Variants in FAM83F observed in about 807,000 individuals in gnomAD.
FAM83F encodes the protein protein FAM83F.
FAM83F carries 45 observed loss-of-function variants against 42.9 expected under a neutral mutation model. The ratio of observed to expected loss-of-function variants is 1.05; its 90% confidence interval spans 0.83 to 1.35. The LOEUF (loss-of-function observed/expected upper bound fraction) is 1.35. Ranked by LOEUF, FAM83F falls within the 40% of genes most tolerant of loss-of-function variation. The probability of loss-of-function intolerance (pLI) is 0.00; values close to 1 mark genes in which losing one functional copy is unlikely to be tolerated. For synonymous variants in FAM83F, 306 were observed against 298.3 expected, an observed-to-expected ratio of 1.03 and a Z score of -0.27; for missense variants, 617 against 695.9, an observed-to-expected ratio of 0.89 and a Z score of 1.28.
Position 40,017,903 on chromosome 22 carries a change from G to A in FAM83F, c.490-1265G>A, listed in dbSNP as rs542249394. Among the ~76,000 whole-genome samples the A allele has an allele frequency of 9.2e-5, 14 of 152,276 alleles. No individual in the cohort carries two copies. The South Asian group carries it at 2.9e-3, about 32-fold the overall frequency. ...CCTAAGGTCACAACTAGGAAGTGGG[G>A]GATCCACAGTTAAAACAAAATCTCT... On this transcript the variant is annotated intron_variant, in intron 1 of 4. Coordinates refer to ENST00000333407, the MANE Select transcript of FAM83F (RefSeq NM_138435.4).
At chr22:40,007,363 C>G in intron 1 of FAM83F, among the ~76,000 whole-genome samples, 1 of 82,604 alleles carries the variant, frequency 1.2e-5, no homozygotes, top group Admixed American at 1.2e-4. Context: ...CTCCTCTCCT[C>G]TCCTCTTCCT....
Position 40,021,451 on chromosome 22 carries a change from ACTC to A in FAM83F, c.946_948del (p.Ser316del), listed in dbSNP as rs756804541. On this transcript the variant is annotated inframe_deletion, in exon 4 of 5. Coordinates refer to ENST00000333407, the MANE Select transcript of FAM83F (RefSeq NM_138435.4). This position sits in a 1 kb window ranked among gnomAD's most constrained non-coding sequence, Gnocchi z 8.7. The stretch of plus-strand genomic sequence containing the variant: ...CTGGCGGGCAGGGTTGGCCTCCATT[ACTC>A]CTCCACTGTGGCTCGAAAGCTTATC... The A allele has an allele frequency of 6.2e-7, 1 of 1,611,110 alleles. No individual in the cohort carries two copies. The highest frequency in any genetic ancestry group is 1.7e-5 in the Admixed American group (1 of 59,824).
chr22:40,002,157 G>A (rs186703345), intron 1 of FAM83F, among the ~76,000 whole-genome samples: 9 of 152,322 alleles, frequency 5.9e-5, no homozygotes, highest in East Asian at 3.9e-4. Context: ...TTCCTAAAGC[G>A]GGGGTCCCCT....
chr22:40,003,947 C>T (rs1434249520), intron 1 of FAM83F, among the ~76,000 whole-genome samples: 2 of 151,914 alleles, frequency 1.3e-5, no homozygotes, highest in Non-Finnish European at 2.9e-5. Context: ...GATGGGGGTG[C>T]GGAGGTGGGA....
chr22:40,022,211 A>G (rs1017980307), intron 4 of FAM83F, among the ~76,000 whole-genome samples: 3 of 152,172 alleles, frequency 2.0e-5, no homozygotes, highest in African/African-American at 7.2e-5. Flanking sequence ...GAAAAAAGAG[A>G]AGGATTCCAG....
At position 39,995,425 on chromosome 22, in the gene FAM83F, T is replaced by C. The variant is rs749752916; in HGVS notation, c.383T>C (p.Phe128Ser). The C allele has an allele frequency of 3.9e-6, 6 of 1,552,280 alleles. No individual in the cohort carries two copies. In the South Asian group the frequency reaches 7.1e-5, roughly 18 times the overall value. The change falls in exon 1 of 5, where the codon TTC becomes TCC. Residue 128 changes from phenylalanine to serine, a missense_variant. Physicochemically the swap from Phe to Ser is radical, Grantham distance 155. Transcript: ENST00000333407. The surrounding 1 kb of genome is among the most constrained non-coding windows in gnomAD (Gnocchi z 4.6). ...PLDLGWTDTG[F>S]YRGVSRVTLF... ...GACCTGGGCTGGACGGACACTGGTT[T>C]CTACCGCGGCGTGAGCCGGGTCACG...
chr22:40,003,873 A>G (rs777359458), intron 1 of FAM83F, among the ~76,000 whole-genome samples: 1 of 152,122 alleles, frequency 6.6e-6, no homozygotes, highest in Non-Finnish European at 1.5e-5. Context: ...CTGGCAAGGC[A>G]TGTGGGAGGC....
chr22:40,011,126 A>G (rs537842571), intron 1 of FAM83F, among the ~76,000 whole-genome samples: 5 of 152,182 alleles, frequency 3.3e-5, no homozygotes, highest in Non-Finnish European at 7.3e-5. Flanking sequence ...TGTGTTCAGC[A>G]TATGTCCTCA....
chr22:40,029,032 C>T (rs555238535), intron 4 of FAM83F, among the ~76,000 whole-genome samples: 4 of 149,290 alleles, frequency 2.7e-5, no homozygotes, highest in South Asian at 2.1e-4. Context: ...ACTTTGCAGG[C>T]GGTGGAGCTG....
chr22:40,009,232 T>G (rs1351598551), intron 1 of FAM83F, among the ~76,000 whole-genome samples: 2 of 151,954 alleles, frequency 1.3e-5, no homozygotes, highest in African/African-American at 4.8e-5. Context: ...TTCCCTTCCT[T>G]CCCCAGGATA....
At chr22:40,020,955 A>T (rs2067516507) in intron 3 of FAM83F, among the ~76,000 whole-genome samples, 1 of 152,194 alleles carries the variant, frequency 6.6e-6, no homozygotes, top group African/African-American at 2.4e-5. Flanking sequence ...GTTTTATATG[A>T]GTTACTTCAT....
rs928658108 is a variant in FAM83F at position 40,034,099 on chromosome 22, ACT to A, written c.*4536_*4537del. On this transcript the variant is annotated 3_prime_UTR_variant, in exon 5 of 5. Coordinates refer to ENST00000333407, the MANE Select transcript of FAM83F (RefSeq NM_138435.4). ...GTGCTGACAGCAGAGAGCCTTCCAC[ACT>A]CAAGTCAGGCCAAGCAGGAATCGCT... The A allele has an allele frequency of 2.0e-5, 3 of 152,084 alleles. No homozygotes were observed. The highest frequency in any genetic ancestry group is 7.3e-5 in the African/African-American group (3 of 41,366). 9.4% of individuals were successfully genotyped at this position (152,084 alleles called of 1,614,324 possible).
intron 1 of FAM83F, among the ~76,000 whole-genome samples, chr22:39,996,415 G>A (rs1191399678): frequency 2.0e-5 from 3 of 152,154 alleles, no homozygotes; most frequent in Non-Finnish European, 4.4e-5. Flanking sequence ...TCCCAAACAT[G>A]ACATGAGACG....
chr22:39,996,670 T>C (rs1235312656), intron 1 of FAM83F, among the ~76,000 whole-genome samples: 2 of 152,054 alleles, frequency 1.3e-5, no homozygotes, highest in Non-Finnish European at 2.9e-5. Flanking sequence ...GGAGGGAAAA[T>C]AGAGCTAGAA....
intron 1 of FAM83F, chr22:39,999,114 T>A (rs572667277): frequency 6.6e-6 from 1 of 152,204 alleles, no homozygotes; most frequent in African/African-American, 2.4e-5. Flanking sequence ...ACACCTCTGC[T>A]CTTAAATAGC....
At chr22:40,028,533 G>A (rs150867059) in intron 4 of FAM83F, among the ~76,000 whole-genome samples, 183 of 152,210 alleles carry the variant, frequency 1.2e-3, no homozygotes, top group Admixed American at 1.8e-3. Context: ...CCGCTCCAGC[G>A]CCTGACACCT....
Position 40,021,293 on chromosome 22 carries a change from C to T in FAM83F, c.783C>T (p.Phe261=), listed in dbSNP as rs1454340027. Reference sequence around the variant, plus strand: ...TTTTCTGTCCCCACGTTCCCAGGTTCACCTGGAGTTCCTCCCATGTGGACA... The same window carrying T: ...TTTTCTGTCCCCACGTTCCCAGGTTTACCTGGAGTTCCTCCCATGTGGACA... ...GDKVATGSYR[F]TWSSSHVDRN... is the part of the protein sequence containing the mutation. The change falls in exon 4 of 5, where the codon TTC becomes TTT. Residue 261 remains phenylalanine, a synonymous_variant. Coordinates refer to ENST00000333407, the MANE Select transcript of FAM83F (RefSeq NM_138435.4). The surrounding 1 kb of genome is among the most constrained non-coding windows in gnomAD (Gnocchi z 8.7). 2 of 1,537,522 alleles carry T rather than the reference C, an allele frequency of 1.3e-6. No individual in the cohort carries two copies. The highest frequency in any genetic ancestry group is 2.3e-5 in the East Asian group (1 of 43,814).
Position 39,995,358 on chromosome 22 carries a change from G to A in FAM83F, c.316G>A (p.Ala106Thr). The A allele has an allele frequency of 6.5e-7, 1 of 1,543,600 alleles. No individual in the cohort carries two copies. Among genetic ancestry groups the A allele is most frequent in the Non-Finnish European group, 8.7e-7 (1 of 1,146,502 alleles). Residue 106 changes from alanine (A) to threonine (T), a missense_variant, in exon 1 of 5, where the codon GCC becomes ACC. Physicochemically the swap from Ala to Thr is moderately conservative, Grantham distance 58. Coordinates refer to ENST00000333407, the MANE Select transcript of FAM83F (RefSeq NM_138435.4). This position sits in a 1 kb window ranked among gnomAD's most constrained non-coding sequence, Gnocchi z 4.6. ...GCCGGCTGAGTCCGGCGAGTCCCTG[G>A]CCTACTGGCCCGACCGTTCCGACAC... The part of the protein sequence containing the change: ...PAPAESGESL[A>T]YWPDRSDTEV...
chr22:40,001,164 G>A (rs560909456), intron 1 of FAM83F, among the ~76,000 whole-genome samples: 4 of 152,152 alleles, frequency 2.6e-5, no homozygotes, highest in Non-Finnish European at 4.4e-5. Context: ...CCAGGAGCTG[G>A]CATTTCTGAG....
Sources: allele counts gnomAD v4.1 joint callset (sites outside exome capture counted in the v4.1 genomes callset), GRCh38; gene constraint gnomAD v4.1.1; non-coding constraint Gnocchi (gnomAD v3.1); transcripts MANE v1.5; gene names NCBI Gene and HGNC (gene_info 2026-07-23, HGNC 2026-07-21).